The following NOX4 variants were observed in gnomAD, a reference collection of about 807,000 sequenced individuals.
NOX4 encodes NADPH oxidase 4, also known as kidney oxidase-1.
Under a neutral mutation model 87.6 loss-of-function variants are expected in NOX4, and 69 were observed. That is an observed-to-expected ratio of 0.79 (90% CI 0.65 to 0.96). NOX4 has a LOEUF of 0.96. Ranked by LOEUF, NOX4 falls within the 40% of genes least tolerant of loss-of-function variation. NOX4 has a pLI of 0.00. For missense variants in NOX4, 680 were observed against 681.5 expected, an observed-to-expected ratio of 1.00 and a Z score of 0.02; for synonymous variants, 275 against 238.2, an observed-to-expected ratio of 1.15 and a Z score of -1.42.
intron 2 of NOX4, 57 bp from the exon 3 acceptor site, chr11:89,451,952 T>C (rs1275039583): frequency 1.7e-6 from 2 of 1,196,258 alleles, no homozygotes; most frequent in Middle Eastern, 1.9e-4. Flanking sequence ...AGCCCTGTCC[T>C]GGCTCTAGAA....
chr11:89,356,604 C>T (rs1938075436), intron 12 of NOX4, among the ~76,000 whole-genome samples: 1 of 152,072 alleles, frequency 6.6e-6, no homozygotes, highest in African/African-American at 2.4e-5. Flanking sequence ...GTTCTCTCCT[C>T]CTGCCCAATT....
At chr11:89,356,161 C>A (rs1412287335) in intron 12 of NOX4, among the ~76,000 whole-genome samples, 1 of 151,898 alleles carries the variant, frequency 6.6e-6, no homozygotes, top group East Asian at 1.9e-4. Flanking sequence ...GAAGGACATG[C>A]ACAATTCAGA....
intron 13 of NOX4, among the ~76,000 whole-genome samples, chr11:89,344,475 A>C (rs1422829668): frequency 6.6e-6 from 1 of 152,174 alleles, no homozygotes; most frequent in Non-Finnish European, 1.5e-5. Context: ...GCTTGAGTCC[A>C]GGAGGTTGAG....
At chr11:89,395,153 C>T (rs1236682140) in intron 11 of NOX4, among the ~76,000 whole-genome samples, 3 of 152,160 alleles carry the variant, frequency 2.0e-5, no homozygotes, top group Non-Finnish European at 2.9e-5. Flanking sequence ...TCCACATCCT[C>T]TCCAGCATCT....
At chr11:89,450,291 G>T (rs543130676) in intron 3 of NOX4, among the ~76,000 whole-genome samples, 4 of 152,230 alleles carry the variant, frequency 2.6e-5, no homozygotes, top group South Asian at 2.1e-4. Context: ...ATGTAGAAAG[G>T]GTTGAGAAGT....
At chr11:89,482,994 A>G (rs994401497) in intron 2 of NOX4, among the ~76,000 whole-genome samples, 3 of 152,066 alleles carry the variant, frequency 2.0e-5, no homozygotes, top group African/African-American at 7.2e-5. Flanking sequence ...CTAGTCAGCT[A>G]TGTAACCTAA....
At chr11:89,330,480 C>A (rs1308350833) in intron 17 of NOX4, among the ~76,000 whole-genome samples, 1 of 151,784 alleles carries the variant, frequency 6.6e-6, no homozygotes, top group African/African-American at 2.4e-5. Flanking sequence ...CTTCATAGAA[C>A]ACAAATAGCT....
intron 11 of NOX4, among the ~76,000 whole-genome samples, chr11:89,383,468 C>T (rs1045773846): frequency 1.3e-5 from 2 of 152,150 alleles, no homozygotes; most frequent in Non-Finnish European, 1.5e-5. Context: ...TAATGCTGCC[C>T]GATCGCCTCT....
the NOX4 span, among the ~76,000 whole-genome samples, chr11:89,558,252 G>A: frequency 6.6e-5 from 10 of 152,058 alleles, no homozygotes; most frequent in Non-Finnish European, 1.2e-4. Context: ...AAACTTTAGT[G>A]GTGGTCTCCT....
chr11:89,373,645 G>GA (rs199658901), intron 11 of NOX4, among the ~76,000 whole-genome samples, 153 bp from the exon 12 acceptor site: 5 of 150,680 alleles, frequency 3.3e-5, no homozygotes, highest in South Asian at 2.1e-4. Flanking sequence ...ATTAGTGGAA[G>GA]AAAAAAAAAT....
chr11:89,360,471 T>C (rs1304062450), intron 12 of NOX4, among the ~76,000 whole-genome samples: 1 of 152,056 alleles, frequency 6.6e-6, no homozygotes, highest in Non-Finnish European at 1.5e-5. Context: ...TAATTTTACT[T>C]GTCAATTATA....
the NOX4 span, among the ~76,000 whole-genome samples, chr11:89,582,867 G>A: frequency 1.3e-5 from 2 of 152,072 alleles, no homozygotes; most frequent in Non-Finnish European, 2.9e-5. Flanking sequence ...ACTGCATTCT[G>A]TCCTTCAGAC....
intron 2 of NOX4, among the ~76,000 whole-genome samples, chr11:89,467,210 G>T (rs1369345118): frequency 6.6e-6 from 1 of 151,764 alleles, no homozygotes; most frequent in Non-Finnish European, 1.5e-5. Flanking sequence ...AATTAGCTGG[G>T]CCTAGTGGCG....
chr11:89,337,190 G>C (rs931032773), intron 16 of NOX4, among the ~76,000 whole-genome samples: 2 of 151,906 alleles, frequency 1.3e-5, no homozygotes, highest in Admixed American at 6.6e-5. Flanking sequence ...TGTGTAGTCT[G>C]AATTTTAGAA....
At chr11:89,425,942 A>G (rs1023974400) in intron 7 of NOX4, among the ~76,000 whole-genome samples, 1 of 152,118 alleles carries the variant, frequency 6.6e-6, no homozygotes, top group African/African-American at 2.4e-5. Context: ...TAGAGGAAAT[A>G]TATCTTATAT....
chr11:89,554,085 G>A, the NOX4 span, among the ~76,000 whole-genome samples: 1 of 150,444 alleles, frequency 6.6e-6, no homozygotes, highest in Non-Finnish European at 1.5e-5. Flanking sequence ...GTTTCAAAAG[G>A]ATGTATTTTT....
chr11:89,451,140 C>T (rs150113203), intron 3 of NOX4, among the ~76,000 whole-genome samples: 3,357 of 151,710 alleles, frequency 0.022, 131 homozygotes, highest in African/African-American at 0.077. Flanking sequence ...GTACAGCACA[C>T]CAACATGGCA....
the NOX4 span, among the ~76,000 whole-genome samples, chr11:89,536,702 C>A: frequency 6.6e-6 from 1 of 152,028 alleles, no homozygotes; most frequent in Non-Finnish European, 1.5e-5. Flanking sequence ...TTTTCTCCTC[C>A]TCCTCATTAT....
chr11:89,477,183 G>T lies in NOX4; in HGVS notation c.153+13275C>A, dbSNP rs539795205. ...CAACTCACCACAATGGAGAATCAGT[G>T]ATTGCCCTGAGCCTGTTTGCCTGAA... is the stretch of plus-strand genomic sequence containing the variant. On this transcript the variant is annotated intron_variant, in intron 2 of 17. Transcript: ENST00000263317. Among the ~76,000 whole-genome samples, 3 of 152,256 alleles carry T rather than the reference G, an allele frequency of 2.0e-5. No individual in the cohort carries two copies. The South Asian group carries it at 6.2e-4, about 32-fold the overall frequency.
Sources: gnomAD v4.1 joint callset for allele counts (sites outside exome capture counted in the v4.1 genomes callset) on GRCh38, gnomAD v4.1.1 for gene constraint, MANE v1.5 for transcripts, NCBI Gene and HGNC (gene_info 2026-07-23, HGNC 2026-07-21) for gene names.